The following SNX18 variants were observed in gnomAD, a reference collection of about 807,000 sequenced individuals.
SNX18 encodes sorting nexin 18.
Under a neutral mutation model 48.7 loss-of-function variants are expected in SNX18, and 35 were observed. That is an observed-to-expected ratio of 0.72 (90% CI 0.55 to 0.95). The LOEUF (loss-of-function observed/expected upper bound fraction) is 0.95. Among genes scored for constraint, SNX18 ranks in the 40% least tolerant of loss-of-function variants. The probability of loss-of-function intolerance (pLI) is 0.00; values close to 1 mark genes in which losing one functional copy is unlikely to be tolerated. For missense variants in SNX18, 824 were observed against 871.0 expected, an observed-to-expected ratio of 0.95 and a Z score of 0.68; for synonymous variants, 492 against 384.7, an observed-to-expected ratio of 1.28 and a Z score of -3.26.
chr5:54,640,526 G>T, the SNX18 span, among the ~76,000 whole-genome samples: 1 of 152,176 alleles, frequency 6.6e-6, no homozygotes, highest in South Asian at 2.1e-4. Flanking sequence ...GCCCGCCAGA[G>T]TAGGGTCTCA....
chr5:54,583,451 C>T, the SNX18 span, among the ~76,000 whole-genome samples: 112,613 of 152,168 alleles, frequency 0.74, 41,666 homozygotes, highest in South Asian at 0.79. Context: ...GCCTTGCTAT[C>T]TGGAGAAGCT....
the SNX18 span, among the ~76,000 whole-genome samples, chr5:54,621,990 C>T: frequency 1.6e-4 from 25 of 152,272 alleles, no homozygotes; most frequent in South Asian, 1.9e-3. Flanking sequence ...GGTAATAATC[C>T]GGTCTGAATA....
chr5:54,568,477 T>G, the SNX18 span, among the ~76,000 whole-genome samples: 1 of 152,104 alleles, frequency 6.6e-6, no homozygotes, highest in African/African-American at 2.4e-5. Flanking sequence ...AACCCCTACT[T>G]GACTCATTGC....
At chr5:54,643,486 AATC>A in the SNX18 span, 1 of 152,296 alleles carries the variant, frequency 6.6e-6, no homozygotes. Context: ...CATCTAAATA[AATC>A]ATATTACCTT....
the SNX18 span, among the ~76,000 whole-genome samples, chr5:54,636,460 C>G: frequency 6.6e-6 from 1 of 151,878 alleles, no homozygotes; most frequent in Admixed American, 6.6e-5. Context: ...GTATGCATAA[C>G]GGAAACATCA....
the SNX18 span, among the ~76,000 whole-genome samples, chr5:54,578,172 T>A: frequency 6.6e-6 from 1 of 152,260 alleles, no homozygotes; most frequent in Non-Finnish European, 1.5e-5. Flanking sequence ...ATTAATCAGA[T>A]CTGATGACTT....
At chr5:54,641,965 C>T in the SNX18 span, among the ~76,000 whole-genome samples, 1 of 152,090 alleles carries the variant, frequency 6.6e-6, no homozygotes, top group Non-Finnish European at 1.5e-5. Context: ...AAGAGCTATT[C>T]AAGGACTTCT....
intron 1 of SNX18, among the ~76,000 whole-genome samples, chr5:54,523,940 G>A (rs1212654624): frequency 6.6e-6 from 1 of 152,224 alleles, no homozygotes; most frequent in Non-Finnish European, 1.5e-5. Context: ...CAGGAATACA[G>A]AGAAAAGCTC....
downstream of SNX18, among the ~76,000 whole-genome samples, chr5:54,551,582 G>A (rs1275926326): frequency 2.6e-5 from 4 of 152,200 alleles, no homozygotes; most frequent in Middle Eastern, 3.4e-3. Flanking sequence ...TTTGATCTAC[G>A]GAACTCTCCT....
intron 1 of SNX18, among the ~76,000 whole-genome samples, chr5:54,526,939 G>A (rs6887570): frequency 0.24 from 36,613 of 151,660 alleles, 5,033 homozygotes; most frequent in Non-Finnish European, 0.3. Context: ...AGTCAGGAGA[G>A]TCGTCCAAGC....
chr5:54,600,248 G>C, the SNX18 span, among the ~76,000 whole-genome samples: 1 of 152,180 alleles, frequency 6.6e-6, no homozygotes, highest in Non-Finnish European at 1.5e-5. Flanking sequence ...CCAATCATTA[G>C]AGAAATGCAA....
the SNX18 span, among the ~76,000 whole-genome samples, chr5:54,633,846 C>T: frequency 3.9e-5 from 6 of 152,148 alleles, no homozygotes; most frequent in Non-Finnish European, 7.3e-5. Flanking sequence ...TTTACTGAGG[C>T]CCTACCTTGT....
the SNX18 span, among the ~76,000 whole-genome samples, chr5:54,615,350 T>C: frequency 3.7e-3 from 559 of 152,338 alleles, 4 homozygotes; most frequent in African/African-American, 0.013. Context: ...GACTAGCTTC[T>C]CATCCTCTGG....
At chr5:54,585,479 T>C in the SNX18 span, among the ~76,000 whole-genome samples, 1 of 152,080 alleles carries the variant, frequency 6.6e-6, no homozygotes, top group Non-Finnish European at 1.5e-5. Context: ...AGAGGCCTGG[T>C]TCCAGCCTGC....
the SNX18 span, among the ~76,000 whole-genome samples, chr5:54,629,353 T>C: frequency 6.6e-6 from 1 of 152,182 alleles, no homozygotes; most frequent in Non-Finnish European, 1.5e-5. Flanking sequence ...TCAGGCAAAA[T>C]GCAAAACTTT....
the SNX18 span, among the ~76,000 whole-genome samples, chr5:54,636,339 G>A: frequency 1.3e-5 from 2 of 151,092 alleles, no homozygotes; most frequent in Non-Finnish European, 2.9e-5. Flanking sequence ...TGAAGCACAT[G>A]ACATTTTGAT....
the SNX18 span, among the ~76,000 whole-genome samples, chr5:54,557,292 G>A: frequency 6.6e-6 from 1 of 152,216 alleles, no homozygotes; most frequent in Non-Finnish European, 1.5e-5. Context: ...GGGGATTTGA[G>A]AGTTGACTGT....
the SNX18 span, among the ~76,000 whole-genome samples, chr5:54,621,820 C>A: frequency 3.9e-5 from 6 of 152,164 alleles, no homozygotes; most frequent in Non-Finnish European, 7.3e-5. Context: ...GCCTAGTCAA[C>A]CCTCCAATAA....
chr5:54,579,598 T>G, the SNX18 span, among the ~76,000 whole-genome samples: 1 of 152,194 alleles, frequency 6.6e-6, no homozygotes, highest in Non-Finnish European at 1.5e-5. Flanking sequence ...TCGAGCTTTT[T>G]GTACTCACCC....
Sources: gnomAD v4.1 joint callset for allele counts (sites outside exome capture counted in the v4.1 genomes callset) on GRCh38, gnomAD v4.1.1 for gene constraint, MANE v1.5 for transcripts, NCBI Gene and HGNC (gene_info 2026-07-23, HGNC 2026-07-21) for gene names.